PTPRD: variants seen among roughly 807,000 people sequenced by gnomAD.
PTPRD encodes receptor-type tyrosine-protein phosphatase delta.
PTPRD carries 34 observed loss-of-function variants against 214.5 expected under a neutral mutation model. The observed-to-expected ratio is 0.16, with a 90% confidence interval of 0.12 to 0.21. PTPRD has a LOEUF of 0.21. Among genes scored for constraint, PTPRD ranks in the 10% least tolerant of loss-of-function variants. PTPRD has a pLI of 1.00. For synonymous variants in PTPRD, 1,128 were observed against 845.7 expected, an observed-to-expected ratio of 1.33 and a Z score of -5.79; for missense variants, 2,545 against 2,398.7, an observed-to-expected ratio of 1.06 and a Z score of -1.27.
chr9:10,444,704 GAC>G lies in PTPRD; in HGVS notation c.-599-103689_-599-103688del, dbSNP rs1303101312. 3.4e-5 allele frequency among the ~76,000 whole-genome samples: 5 copies of G among 146,120 alleles called. No individual in the cohort carries two copies. In the East Asian group the frequency reaches 9.8e-4, roughly 29 times the overall value. On this transcript the variant is annotated intron_variant, in intron 2 of 45. Transcript: ENST00000381196. ...TTATGATTCCATGAGATATAACAAA[GAC>G]AAAAAAAAAGACCTAATAGAAATTT...
intron 9 of PTPRD, among the ~76,000 whole-genome samples, chr9:9,329,506 C>T (rs1292393905): frequency 6.6e-6 from 1 of 152,114 alleles, no homozygotes; most frequent in African/African-American, 2.4e-5. Flanking sequence ...AAGTTTAATA[C>T]AATTACAATT....
intron 12 of PTPRD, among the ~76,000 whole-genome samples, chr9:8,655,765 T>A (rs1032270857): frequency 1.1e-4 from 16 of 151,282 alleles, no homozygotes; most frequent in African/African-American, 3.4e-4. Flanking sequence ...TTTTTTAATA[T>A]CTCCTTCACC....
At chr9:9,957,650 CA>C (rs1249889130) in intron 4 of PTPRD, among the ~76,000 whole-genome samples, 1 of 151,628 alleles carries the variant, frequency 6.6e-6, no homozygotes, top group African/African-American at 2.4e-5. Context: ...AAACAAAAAG[CA>C]AAAAACCTTA....
chr9:9,903,821 A>C lies in PTPRD; in HGVS notation c.-368+34686T>G, dbSNP rs531214440. On this transcript the variant is annotated intron_variant, in intron 5 of 45. Transcript: ENST00000381196. ...CTAATTAACATGAAGCACCATCATG[A>C]CTATGCATCTTATTCAATGTGTTTC... Among the ~76,000 whole-genome samples the C allele has an allele frequency of 3.3e-5, 5 of 152,226 alleles. No homozygotes were observed. In the South Asian group the frequency reaches 1.0e-3, roughly 32 times the overall value.
At chr9:8,711,329 T>G (rs898165042) in intron 12 of PTPRD, among the ~76,000 whole-genome samples, 3 of 152,120 alleles carry the variant, frequency 2.0e-5, no homozygotes, top group Admixed American at 6.5e-5. Context: ...TAAAATATTC[T>G]TGAGGGATAT....
At chr9:9,596,190 T>C (rs557854606) in intron 7 of PTPRD, among the ~76,000 whole-genome samples, 1 of 152,102 alleles carries the variant, frequency 6.6e-6, no homozygotes, top group East Asian at 1.9e-4. Flanking sequence ...TTTAGTCCCA[T>C]GTGTCAAAAT....
chr9:8,525,260 A>T, intron 17 of PTPRD: 1 of 655,742 alleles, frequency 1.5e-6, no homozygotes, highest in East Asian at 2.7e-5. Context: ...AGAAATCAAT[A>T]TCTCTTTTCC....
intron 21 of PTPRD, among the ~76,000 whole-genome samples, chr9:8,509,092 A>AT (rs978753699): frequency 1.3e-5 from 2 of 151,968 alleles, no homozygotes; most frequent in Non-Finnish European, 2.9e-5. Flanking sequence ...AGAGTATCAC[A>AT]TTTTTTTCCC....
chr9:9,373,240 G>C (rs997890964), intron 9 of PTPRD, among the ~76,000 whole-genome samples: 2 of 152,048 alleles, frequency 1.3e-5, no homozygotes, highest in Admixed American at 1.3e-4. Context: ...TCGTGGACAA[G>C]CTACTTAAAC....
chr9:8,385,403 G>A (rs1375786047), intron 37 of PTPRD, among the ~76,000 whole-genome samples: 2 of 152,176 alleles, frequency 1.3e-5, no homozygotes, highest in Admixed American at 6.5e-5. Flanking sequence ...CTGTGCACCT[G>A]TAGTCCCTGC....
chr9:9,845,509 C>T (rs984257104), intron 5 of PTPRD, among the ~76,000 whole-genome samples: 1 of 151,522 alleles, frequency 6.6e-6, no homozygotes, highest in Non-Finnish European at 1.5e-5. Flanking sequence ...AGGTGGGGGG[C>T]ATCAATTCAT....
chr9:8,697,714 C>A (rs1266200886), intron 12 of PTPRD, among the ~76,000 whole-genome samples: 1 of 151,886 alleles, frequency 6.6e-6, no homozygotes, highest in Non-Finnish European at 1.5e-5. Context: ...TGAGCCACCA[C>A]GCCCAGGCCT....
chr9:8,816,545 C>T (rs2096922623), intron 11 of PTPRD, among the ~76,000 whole-genome samples: 1 of 152,170 alleles, frequency 6.6e-6, no homozygotes, highest in Non-Finnish European at 1.5e-5. Context: ...TTCCATGCAA[C>T]CATGTTGCCA....
intron 4 of PTPRD, among the ~76,000 whole-genome samples, chr9:9,998,833 T>C (rs1588531716): frequency 2.0e-5 from 3 of 152,202 alleles, no homozygotes; most frequent in African/African-American, 7.2e-5. Context: ...CCAAGTACTC[T>C]TTCCTGATTC....
rs529733169 is a variant in PTPRD, at chr9:8,815,235, T to C, written c.-103-81289A>G. On this transcript the variant is annotated intron_variant, in intron 11 of 45. Transcript: ENST00000381196. Reference sequence around the variant, plus strand: ...CACATCTGATATAAGCTGTTTCCCGTTCTTCAAATCATGCCTCTGCTGCTG... The same window carrying C: ...CACATCTGATATAAGCTGTTTCCCGCTCTTCAAATCATGCCTCTGCTGCTG... Among the ~76,000 whole-genome samples, 14 of 152,282 alleles carry C rather than the reference T, an allele frequency of 9.2e-5. 1 individual carries two copies. In the South Asian group the frequency reaches 2.9e-3, roughly 32 times the overall value.
intron 36 of PTPRD, among the ~76,000 whole-genome samples, chr9:8,401,174 T>C: frequency 6.6e-6 from 1 of 151,920 alleles, no homozygotes; most frequent in Non-Finnish European, 1.5e-5. Flanking sequence ...TTTTCTTTTT[T>C]TTTTTTTCCA....
At chr9:10,122,110 C>A (rs969359730) in intron 3 of PTPRD, among the ~76,000 whole-genome samples, 1 of 152,154 alleles carries the variant, frequency 6.6e-6, no homozygotes, top group Non-Finnish European at 1.5e-5. Context: ...GAGTTCAATA[C>A]CAGCCTGGCC....
At chr9:8,561,355 C>T (rs1268945809) in intron 14 of PTPRD, among the ~76,000 whole-genome samples, 2 of 152,124 alleles carry the variant, frequency 1.3e-5, no homozygotes, top group Non-Finnish European at 2.9e-5. Flanking sequence ...CCCACCGCTG[C>T]CCCTGACTGT....
intron 35 of PTPRD, among the ~76,000 whole-genome samples, chr9:8,413,058 T>C (rs1254075663): frequency 6.6e-6 from 1 of 152,192 alleles, no homozygotes; most frequent in African/African-American, 2.4e-5. Context: ...TCATCTTCAT[T>C]TTTAAAAGTC....
Sources: gnomAD v4.1 joint callset for allele counts (sites outside exome capture counted in the v4.1 genomes callset) on GRCh38, gnomAD v4.1.1 for gene constraint, MANE v1.5 for transcripts, NCBI Gene and HGNC (gene_info 2026-07-23, HGNC 2026-07-21) for gene names.